The following EYA1 variants were observed in gnomAD, a reference collection of about 807,000 sequenced individuals.
EYA1 encodes the protein EYA transcriptional coactivator and phosphatase 1, also known as protein phosphatase EYA1.
In EYA1, 16 loss-of-function variants were observed where a neutral mutation model predicts 82.0. The ratio of observed to expected loss-of-function variants is 0.20; its 90% CI spans 0.13 to 0.30. The LOEUF (loss-of-function observed/expected upper bound fraction) is 0.30, where lower values mean the gene tolerates loss of function less well. Among genes scored for constraint, EYA1 ranks in the 10% least tolerant of loss-of-function variants. EYA1 has a pLI of 1.00. For missense variants in EYA1, 633 were observed against 730.7 expected, an observed-to-expected ratio of 0.87 and a Z score of 1.54; for synonymous variants, 261 against 264.4, an observed-to-expected ratio of 0.99 and a Z score of 0.12.
At chr8:71,333,306 T>C (rs1279805185) in intron 4 of EYA1, among the ~76,000 whole-genome samples, 2 of 152,210 alleles carry the variant, frequency 1.3e-5, no homozygotes, top group African/African-American at 4.8e-5. Flanking sequence ...GTGGTATGTA[T>C]TAAATAAATG....
At chr8:71,277,333 T>C (rs2128961871) in intron 9 of EYA1, among the ~76,000 whole-genome samples, 1 of 151,942 alleles carries the variant, frequency 6.6e-6, no homozygotes, top group Middle Eastern at 3.4e-3. Context: ...AAATCTTTTG[T>C]AGAGATGGGG....
intron 2 of EYA1, among the ~76,000 whole-genome samples, chr8:71,386,731 A>T (rs1453222659): frequency 6.6e-6 from 1 of 152,258 alleles, no homozygotes; most frequent in Non-Finnish European, 1.5e-5. Context: ...TTAGAATATT[A>T]GAATCACAGA....
At chr8:71,357,900 A>G (rs554422687) in intron 1 of EYA1, among the ~76,000 whole-genome samples, 11 of 152,196 alleles carry the variant, frequency 7.2e-5, no homozygotes, top group Non-Finnish European at 1.6e-4. Flanking sequence ...TTAAAAATTA[A>G]TGTTCTCACA....
chr8:71,342,735 T>C (rs1825283112), intron 3 of EYA1, among the ~76,000 whole-genome samples: 1 of 152,202 alleles, frequency 6.6e-6, no homozygotes, highest in African/African-American at 2.4e-5. Context: ...ACAAACCTTT[T>C]GAATTTGCGG....
intron 2 of EYA1, among the ~76,000 whole-genome samples, chr8:71,427,992 AG>A (rs1416446819): frequency 6.8e-6 from 1 of 146,134 alleles, no homozygotes; most frequent in Non-Finnish European, 1.5e-5. Context: ...AAAAAAAAAA[AG>A]AGATGAATCA....
chr8:71,202,697 C>G (rs889436921), intron 17 of EYA1, among the ~76,000 whole-genome samples: 19 of 152,144 alleles, frequency 1.2e-4, no homozygotes, highest in African/African-American at 4.6e-4. Flanking sequence ...CTGGTAGATT[C>G]TGGGGACACT....
intron 2 of EYA1, among the ~76,000 whole-genome samples, chr8:71,483,806 T>G (rs1810360030): frequency 6.6e-6 from 1 of 152,058 alleles, no homozygotes; most frequent in Non-Finnish European, 1.5e-5. Context: ...TGACCCCAAA[T>G]AGTATGGAAA....
chr8:71,545,958 C>T (rs1815533343), intron 1 of EYA1, among the ~76,000 whole-genome samples: 1 of 152,156 alleles, frequency 6.6e-6, no homozygotes, highest in Non-Finnish European at 1.5e-5. Context: ...CTCTCTTGAT[C>T]AAGGAACAGG....
intron 2 of EYA1, among the ~76,000 whole-genome samples, chr8:71,532,411 A>G (rs1304155442): frequency 6.6e-6 from 1 of 152,206 alleles, no homozygotes; most frequent in Non-Finnish European, 1.5e-5. Context: ...GAGCTGAAAG[A>G]AAGACATGAA....
At position 71,304,692 on chromosome 8, in the gene EYA1, C is replaced by G. The variant is rs777949241; in HGVS notation, c.557-4972G>C. Among the ~76,000 whole-genome samples, 22 of 142,830 alleles carry G rather than the reference C, an allele frequency of 1.5e-4. 5 individuals carry two copies. Among genetic ancestry groups the G allele is most frequent in the Non-Finnish European group, 3.2e-4 (20 of 62,888 alleles). The allele number at this position is 142,830 out of a possible 152,430, so 93.7% of individuals were successfully genotyped here. On this transcript the variant is annotated intron_variant, in intron 7 of 17. Transcript: ENST00000340726. ...CTAGTATAACCTTTCTTCTTATACA[C>G]TAAGAAAGTAATCATTCTCTTCAAG...
intron 7 of EYA1, among the ~76,000 whole-genome samples, chr8:71,310,997 A>G (rs538017727): frequency 6.6e-6 from 1 of 152,298 alleles, no homozygotes; most frequent in South Asian, 2.1e-4. Flanking sequence ...ATAACAACTT[A>G]ATTTTAATGG....
intron 9 of EYA1, among the ~76,000 whole-genome samples, chr8:71,283,025 T>G (rs2128972790): frequency 6.6e-6 from 1 of 151,896 alleles, no homozygotes; most frequent in Non-Finnish European, 1.5e-5. Context: ...CATGCCATGC[T>G]TCTGCTTAAA....
chr8:71,356,798 T>C (rs1005597770), intron 1 of EYA1: 52 of 1,079,432 alleles, frequency 4.8e-5, no homozygotes, highest in Non-Finnish European at 5.5e-5. Flanking sequence ...GGATTACCCC[T>C]CCCCCAATCA....
At chr8:71,501,222 G>T (rs566657925) in intron 2 of EYA1, among the ~76,000 whole-genome samples, 2 of 152,302 alleles carry the variant, frequency 1.3e-5, no homozygotes, top group East Asian at 3.9e-4. Flanking sequence ...AGAATATGAG[G>T]CAAGGCCTGG....
intron 3 of EYA1, among the ~76,000 whole-genome samples, chr8:71,335,039 A>T (rs7013138): frequency 0.079 from 12,095 of 152,266 alleles, 1,042 homozygotes; most frequent in African/African-American, 0.2. Flanking sequence ...TAAAAGAAGA[A>T]GTAGCATCGT....
At chr8:71,206,761 AT>A (rs1168936723) in intron 17 of EYA1, among the ~76,000 whole-genome samples, 1 of 151,588 alleles carries the variant, frequency 6.6e-6, no homozygotes, top group Admixed American at 6.6e-5. Flanking sequence ...AATTGGTAGC[AT>A]TTTTTTTCTT....
chr8:71,324,774 T>C (rs1822964052), intron 4 of EYA1, among the ~76,000 whole-genome samples: 1 of 152,152 alleles, frequency 6.6e-6, no homozygotes, highest in African/African-American at 2.4e-5. Flanking sequence ...AGCCATCTTG[T>C]TTTCCCCTCT....
chr8:71,332,514 A>G (rs571864503), intron 4 of EYA1, among the ~76,000 whole-genome samples: 4 of 152,138 alleles, frequency 2.6e-5, no homozygotes, highest in South Asian at 4.2e-4. Context: ...CACCAAATCC[A>G]TCACCTTCCC....
intron 12 of EYA1, among the ~76,000 whole-genome samples, chr8:71,218,842 G>C (rs1216444870): frequency 6.6e-6 from 1 of 151,790 alleles, no homozygotes; most frequent in Non-Finnish European, 1.5e-5. Context: ...GGGGAGAGGG[G>C]AAGGCCATAG....
Sources: allele counts gnomAD v4.1 joint callset (sites outside exome capture counted in the v4.1 genomes callset), GRCh38; gene constraint gnomAD v4.1.1; transcripts MANE v1.5; gene names NCBI Gene and HGNC (gene_info 2026-07-23, HGNC 2026-07-21).